BMPR1B: variants seen among roughly 807,000 people sequenced by gnomAD.
BMPR1B encodes the protein bone morphogenetic protein receptor type 1B.
In BMPR1B, 12 loss-of-function variants were observed where a neutral mutation model predicts 59.1. The ratio of observed to expected loss-of-function variants is 0.20; its 90% confidence interval spans 0.13 to 0.33. The LOEUF is 0.33. BMPR1B is among the 10% of genes least tolerant of loss of function. The pLI is 1.00. For synonymous variants in BMPR1B, 237 were observed against 207.3 expected (o/e 1.14, Z -1.23); for missense variants, 550 against 610.9 (o/e 0.90, Z 1.05).
At chr4:94,991,918 T>C (rs1721785108) in intron 2 of BMPR1B, among the ~76,000 whole-genome samples, 1 of 152,212 alleles carries the variant, frequency 6.6e-6, no homozygotes, top group Non-Finnish European at 1.5e-5. Context: ...ACTTACTGAA[T>C]TGATGCAGTC....
chr4:94,864,914 GT>G (rs2148960876), intron 1 of BMPR1B, among the ~76,000 whole-genome samples: 1 of 152,258 alleles, frequency 6.6e-6, no homozygotes, highest in Non-Finnish European at 1.5e-5. Context: ...CATTTTAATA[GT>G]TTAGTGGTTA....
intron 1 of BMPR1B, among the ~76,000 whole-genome samples, chr4:94,798,293 A>G (rs1723270997): frequency 6.6e-6 from 1 of 152,260 alleles, no homozygotes; most frequent in Non-Finnish European, 1.5e-5. Flanking sequence ...GTAATCGGAA[A>G]GCAATTCTGG....
At chr4:94,988,016 T>G (rs1170218547) in intron 2 of BMPR1B, among the ~76,000 whole-genome samples, 1 of 152,174 alleles carries the variant, frequency 6.6e-6, no homozygotes, top group Non-Finnish European at 1.5e-5. Context: ...TAATCTAATT[T>G]CCATTTGGAG....
chr4:95,122,134 T>G (rs1010347000), intron 6 of BMPR1B, among the ~76,000 whole-genome samples: 2 of 152,080 alleles, frequency 1.3e-5, no homozygotes, highest in Non-Finnish European at 2.9e-5. Context: ...GCCAGGAGTT[T>G]GAGACCAGCC....
intron 2 of BMPR1B, among the ~76,000 whole-genome samples, chr4:94,902,075 GTGTGT>G (rs1727834885): frequency 7.4e-6 from 1 of 135,200 alleles, no homozygotes; most frequent in Non-Finnish European, 1.7e-5. Context: ...GTGTGTGTGT[GTGTGT>G]GTGTGTGGGG....
At chr4:94,965,216 A>T (rs1730509817) in intron 2 of BMPR1B, among the ~76,000 whole-genome samples, 1 of 152,130 alleles carries the variant, frequency 6.6e-6, no homozygotes, top group Non-Finnish European at 1.5e-5. Context: ...TACGTTATTT[A>T]CCTTATGAAA....
chr4:94,990,377 A>G (rs919672101), intron 2 of BMPR1B, among the ~76,000 whole-genome samples: 1 of 152,182 alleles, frequency 6.6e-6, no homozygotes, highest in African/African-American at 2.4e-5. Flanking sequence ...AAAAGAAAAT[A>G]TAAGTTGAAG....
intron 3 of BMPR1B, among the ~76,000 whole-genome samples, chr4:95,063,239 C>T (rs1251408504): frequency 1.3e-5 from 2 of 152,130 alleles, no homozygotes; most frequent in Admixed American, 1.3e-4. Context: ...TGTGGTTTTA[C>T]AATTTAGAAA....
chr4:94,808,709 G>A (rs536224461), intron 1 of BMPR1B, among the ~76,000 whole-genome samples: 5 of 151,988 alleles, frequency 3.3e-5, no homozygotes, highest in South Asian at 2.1e-4. Flanking sequence ...GTTTTATTTC[G>A]CCATTGGCCT....
At chr4:94,876,478 T>G (rs1011445517) in intron 2 of BMPR1B, among the ~76,000 whole-genome samples, 1 of 152,238 alleles carries the variant, frequency 6.6e-6, no homozygotes, top group Non-Finnish European at 1.5e-5. Context: ...TATAGTGTGC[T>G]ACAGTGTTCA....
chr4:95,052,573 A>G (rs1726582291), intron 3 of BMPR1B, among the ~76,000 whole-genome samples: 1 of 152,006 alleles, frequency 6.6e-6, no homozygotes, highest in Non-Finnish European at 1.5e-5. Flanking sequence ...GTTCAGCTTT[A>G]TGTACTTGTG....
At chr4:95,136,528 T>A (rs1192798713) in intron 10 of BMPR1B, among the ~76,000 whole-genome samples, 2 of 152,188 alleles carry the variant, frequency 1.3e-5, no homozygotes, top group African/African-American at 4.8e-5. Flanking sequence ...CAACCATGAA[T>A]CCATGTGGTC....
intron 5 of BMPR1B, among the ~76,000 whole-genome samples, chr4:95,115,087 A>T (rs1002263429): frequency 6.6e-6 from 1 of 152,118 alleles, no homozygotes; most frequent in Non-Finnish European, 1.5e-5. Flanking sequence ...CTACAGTATT[A>T]AGTTCAGTGA....
chr4:94,851,609 G>T (rs1578720267), intron 1 of BMPR1B, among the ~76,000 whole-genome samples: 1 of 151,894 alleles, frequency 6.6e-6, no homozygotes, highest in African/African-American at 2.4e-5. Flanking sequence ...TCCAGTAACT[G>T]ATATTCTTTG....
chr4:95,109,991 G>A (rs974312762), intron 4 of BMPR1B, among the ~76,000 whole-genome samples: 3 of 151,054 alleles, frequency 2.0e-5, no homozygotes, highest in African/African-American at 7.3e-5. Flanking sequence ...ATTCACATAT[G>A]GAGGCTTTTA....
intron 2 of BMPR1B, among the ~76,000 whole-genome samples, chr4:94,883,751 G>A (rs1189175008): frequency 2.6e-5 from 4 of 152,052 alleles, no homozygotes; most frequent in African/African-American, 9.7e-5. Flanking sequence ...TTAGACTAAG[G>A]GTAAAGCAGA....
intron 6 of BMPR1B, among the ~76,000 whole-genome samples, chr4:95,119,826 G>A (rs575610109): frequency 6.6e-6 from 1 of 152,096 alleles, no homozygotes; most frequent in African/African-American, 2.4e-5. Flanking sequence ...ATGAAGTTTG[G>A]ATAAGAAATT....
chr4:94,842,834 T>C lies in BMPR1B; in HGVS notation c.-182-32997T>C, dbSNP rs139189507. On this transcript the variant is annotated intron_variant, in intron 1 of 12. Transcript: ENST00000515059. ...AAACAAATATATTTATCTTCATTAA[T>C]AAAAATGCCTCACAGTACTGTTTAT... is the stretch of plus-strand genomic sequence containing the variant. Among the ~76,000 whole-genome samples, 340 of 151,834 alleles carry C rather than the reference T, an allele frequency of 2.2e-3. 4 individuals are homozygous for C. Among genetic ancestry groups the C allele is most frequent in the African/African-American group, 7.7e-3 (316 of 41,286 alleles).
At chr4:95,082,962 C>G (rs543349662) in intron 3 of BMPR1B, among the ~76,000 whole-genome samples, 1 of 132,596 alleles carries the variant, frequency 7.5e-6, no homozygotes, top group Non-Finnish European at 1.5e-5. Flanking sequence ...GGCGTGAACC[C>G]GGGAGGCGGA....
Sources: gnomAD v4.1 joint callset for allele counts (sites outside exome capture counted in the v4.1 genomes callset) on GRCh38, gnomAD v4.1.1 for gene constraint, MANE v1.5 for transcripts, NCBI Gene and HGNC (gene_info 2026-07-23, HGNC 2026-07-21) for gene names.